The following DTWD2 variants were observed in gnomAD, a reference collection of about 807,000 sequenced individuals.
DTWD2 encodes DTW motif tRNA-uridine aminocarboxypropyltransferase 2, also known as tRNA-uridine aminocarboxypropyltransferase 2.
DTWD2 carries 39 observed loss-of-function variants against 31.8 expected under a neutral mutation model. The ratio of observed to expected loss-of-function variants is 1.22; its 90% CI spans 0.95 to 1.60. The LOEUF (loss-of-function observed/expected upper bound fraction) is 1.60. Ranked by LOEUF, DTWD2 falls within the 40% of genes most tolerant of loss-of-function variation. DTWD2 has a pLI of 0.00. For missense variants in DTWD2, 515 were observed against 381.5 expected (o/e 1.35, Z -2.92); for synonymous variants, 180 against 142.8 (o/e 1.26, Z -1.86).
At chr5:118,923,139 T>C (rs1753739171) in intron 4 of DTWD2, among the ~76,000 whole-genome samples, 1 of 152,158 alleles carries the variant, frequency 6.6e-6, no homozygotes, top group Admixed American at 6.5e-5. Context: ...TTACTTCACC[T>C]TATAAATTGT....
chr5:118,984,602 G>A (rs896896298), intron 1 of DTWD2, among the ~76,000 whole-genome samples: 3 of 152,180 alleles, frequency 2.0e-5, no homozygotes, highest in Admixed American at 1.3e-4. Context: ...TAGATATGGT[G>A]TATTATAATT....
chr5:118,974,179 C>A (rs1755071473), intron 1 of DTWD2: 9 of 1,425,162 alleles, frequency 6.3e-6, no homozygotes, highest in Non-Finnish European at 7.7e-6. Flanking sequence ...GACCTATTCA[C>A]CCTCCACTTC....
chr5:118,894,548 C>T (rs1388141150), intron 4 of DTWD2, among the ~76,000 whole-genome samples: 1 of 152,016 alleles, frequency 6.6e-6, no homozygotes, highest in Non-Finnish European at 1.5e-5. Flanking sequence ...AATATACTCA[C>T]ACATACTTGT....
chr5:118,840,707 T>A lies in DTWD2; in HGVS notation c.*210A>T. On this transcript the variant is annotated 3_prime_UTR_variant, in exon 6 of 6. Coordinates refer to ENST00000510708, the MANE Select transcript of DTWD2 (RefSeq NM_173666.4). ...TTAGAGGCACATTTTTAAAAACAAG[T>A]ACAGTAGGAAATCCTGCTTTTCAGT... is the stretch of plus-strand genomic sequence containing the variant. 1 of 437,036 alleles carries A rather than the reference T, an allele frequency of 2.3e-6. No homozygotes were observed. Among genetic ancestry groups the A allele is most frequent in the Non-Finnish European group, 3.7e-6 (1 of 267,134 alleles). 27.1% of individuals were successfully genotyped at this position (437,036 alleles called of 1,614,324 possible).
chr5:118,973,698 T>C, intron 1 of DTWD2: 1 of 1,438,242 alleles, frequency 7.0e-7, no homozygotes, highest in East Asian at 2.4e-5. Flanking sequence ...GCCACGCGCC[T>C]CCTCCGCCGC....
At chr5:118,986,689 C>T (rs966444152) in intron 1 of DTWD2, among the ~76,000 whole-genome samples, 14 of 152,120 alleles carry the variant, frequency 9.2e-5, no homozygotes, top group African/African-American at 3.4e-4. Flanking sequence ...TTATTGACAA[C>T]ACCTAAATAT....
intron 1 of DTWD2, among the ~76,000 whole-genome samples, chr5:118,953,340 C>T (rs1009658440): frequency 1.3e-5 from 2 of 152,178 alleles, no homozygotes; most frequent in African/African-American, 4.8e-5. Flanking sequence ...CTGTCTACAT[C>T]TGAAGGTTGG....
intron 4 of DTWD2, among the ~76,000 whole-genome samples, chr5:118,869,933 G>C (rs1216636513): frequency 6.6e-6 from 1 of 152,084 alleles, no homozygotes; most frequent in Non-Finnish European, 1.5e-5. Flanking sequence ...CCATCCCCTT[G>C]ATGATGTGTG....
At chr5:118,902,942 C>A (rs1355563738) in intron 4 of DTWD2, among the ~76,000 whole-genome samples, 1 of 152,000 alleles carries the variant, frequency 6.6e-6, no homozygotes, top group Non-Finnish European at 1.5e-5. Flanking sequence ...TTAAAAATAT[C>A]TGACATTATA....
intron 1 of DTWD2, among the ~76,000 whole-genome samples, chr5:118,981,937 T>C (rs1580455801): frequency 1.3e-5 from 2 of 152,222 alleles, no homozygotes; most frequent in Admixed American, 6.5e-5. Flanking sequence ...GCAGTCATAC[T>C]GTTCATTATT....
intron 4 of DTWD2, among the ~76,000 whole-genome samples, chr5:118,913,953 G>T (rs1753517494): frequency 6.7e-6 from 1 of 149,292 alleles, no homozygotes; most frequent in South Asian, 2.1e-4. Context: ...AAAAGTGAAA[G>T]TTAAACCAAG....
chr5:118,952,603 C>T (rs1754491702), intron 1 of DTWD2, among the ~76,000 whole-genome samples: 1 of 152,104 alleles, frequency 6.6e-6, no homozygotes, highest in Non-Finnish European at 1.5e-5. Flanking sequence ...TTGCTTCATG[C>T]CATCTGGATG....
At chr5:118,877,902 G>A (rs1752657558) in intron 4 of DTWD2, among the ~76,000 whole-genome samples, 1 of 152,074 alleles carries the variant, frequency 6.6e-6, no homozygotes, top group Non-Finnish European at 1.5e-5. Context: ...ACCAACAACA[G>A]TTAAGCTGAG....
chr5:118,974,764 T>C, intron 1 of DTWD2: 2 of 394,096 alleles, frequency 5.1e-6, no homozygotes, highest in Non-Finnish European at 1.0e-5. Context: ...TGAAACAATG[T>C]TGTCCAACAA....
chr5:118,922,186 T>C (rs1022323366), intron 4 of DTWD2, among the ~76,000 whole-genome samples: 4 of 152,210 alleles, frequency 2.6e-5, no homozygotes, highest in Admixed American at 6.5e-5. Context: ...CTGGATATAT[T>C]AGAATTCAAA....
chr5:118,937,124 T>C (rs944639697), intron 3 of DTWD2, among the ~76,000 whole-genome samples: 1 of 152,078 alleles, frequency 6.6e-6, no homozygotes, highest in Non-Finnish European at 1.5e-5. Flanking sequence ...TATGACCAGG[T>C]GGGCTTTATC....
chr5:118,972,884 T>C (rs1755019797), intron 1 of DTWD2, among the ~76,000 whole-genome samples: 1 of 152,208 alleles, frequency 6.6e-6, no homozygotes, highest in Non-Finnish European at 1.5e-5. Context: ...CACATGATTC[T>C]AAGGCCTTGC....
At position 118,988,364 on chromosome 5, in the gene DTWD2, C is replaced by T; in HGVS notation, c.148G>A (p.Asp50Asn). The T allele has an allele frequency of 6.4e-7, 1 of 1,569,452 alleles. No individual in the cohort carries two copies. Among genetic ancestry groups the T allele is most frequent in the Non-Finnish European group, 8.6e-7 (1 of 1,159,956 alleles). The change falls in exon 1 of 6, where the codon GAC (aspartate) becomes AAC (asparagine). Residue 50 changes from aspartate (D) to asparagine (N), a missense_variant. Asp to Asn is a conservative substitution (Grantham distance 23). Coordinates refer to ENST00000510708, the MANE Select transcript of DTWD2 (RefSeq NM_173666.4). The part of the protein sequence containing the change: ...AAALGAEADD[D>N]SADGLWELPV... ...AGCTCCCACAGCCCGTCCGCACTGT[C>T]GTCGTCCGCCTCTGCGCCCAGGGCA... is the stretch of plus-strand genomic sequence containing the variant.
chr5:118,988,351 C>T lies in DTWD2; in HGVS notation c.161G>A (p.Gly54Glu), dbSNP rs1030336689. The T allele has an allele frequency of 8.3e-6, 13 of 1,560,886 alleles. No homozygotes were observed. The highest frequency in any genetic ancestry group is 1.1e-5 in the Non-Finnish European group (13 of 1,155,772). Reference sequence around the variant, plus strand: ...CGGCTCCACCGGCAGCTCCCACAGCCCGTCCGCACTGTCGTCGTCCGCCTC... The same window carrying T: ...CGGCTCCACCGGCAGCTCCCACAGCTCGTCCGCACTGTCGTCGTCCGCCTC... Reference protein sequence around the residue: ...GAEADDDSADGLWELPVEPAE... With the variant: ...GAEADDDSADELWELPVEPAE... The change falls in exon 1 of 6, where the codon GGG becomes GAG. Residue 54 changes from glycine to glutamate, a missense_variant. Coordinates refer to ENST00000510708, the MANE Select transcript of DTWD2 (RefSeq NM_173666.4).
Sources: gnomAD v4.1 joint callset for allele counts (sites outside exome capture counted in the v4.1 genomes callset) on GRCh38, gnomAD v4.1.1 for gene constraint, MANE v1.5 for transcripts, NCBI Gene and HGNC (gene_info 2026-07-23, HGNC 2026-07-21) for gene names.